Variants in ERBB2 observed in about 807,000 individuals in gnomAD.
ERBB2 encodes the protein receptor tyrosine-protein kinase erbB-2.
Under a neutral mutation model 149.0 loss-of-function variants are expected in ERBB2, and 61 were observed. That is an observed-to-expected ratio of 0.41 (90% confidence interval 0.33 to 0.51). The LOEUF (loss-of-function observed/expected upper bound fraction) is 0.51, where lower values mean the gene tolerates loss of function less well. Ranked by LOEUF, ERBB2 falls within the 20% of genes least tolerant of loss-of-function variation. The pLI, the probability that ERBB2 is intolerant of heterozygous loss-of-function variation, is 0.25. For synonymous variants in ERBB2, 633 were observed against 678.8 expected (o/e 0.93, Z 1.05); for missense variants, 1,205 against 1,655.1 (o/e 0.73, Z 4.72).
Position 39,700,196 on chromosome 17 carries a change from C to T in ERBB2, c.-43C>T, listed in dbSNP as rs1295964778. On this transcript the variant is annotated 5_prime_UTR_variant, in exon 1 of 27. Transcript: ENST00000269571. ...ACCCCGCGCCCCGCGCCCTCCCAGCCGGGTCCAGCCGGAGCCATGGGGCCG... is the reference window on the plus strand; with the variant it reads ...ACCCCGCGCCCCGCGCCCTCCCAGCTGGGTCCAGCCGGAGCCATGGGGCCG... 21 of 1,399,092 alleles carry T rather than the reference C, an allele frequency of 1.5e-5. No homozygotes were observed. The highest frequency in any genetic ancestry group is 1.7e-5 in the Non-Finnish European group (18 of 1,081,626). The allele number at this position is 1,399,092 out of a possible 1,614,324, so 86.7% of individuals were successfully genotyped here.
At chr17:39,691,957 A>ATATATATCTC (rs964668266), upstream of ERBB2, among the ~76,000 whole-genome samples, 7 of 145,354 alleles carry the variant, frequency 4.8e-5, no homozygotes, top group African/African-American at 1.8e-4. Context: ...ATATATATAT[A>ATATATATCTC]TCTCTTGTGT....
chr17:39,694,247 A>ATATATGTG (rs1567887991), upstream of ERBB2, among the ~76,000 whole-genome samples: 1 of 43,854 alleles, frequency 2.3e-5, no homozygotes, highest in Non-Finnish European at 4.8e-5. Context: ...ATATATATAT[A>ATATATGTG]TATATATATA....
Position 39,717,360 on chromosome 17 carries a change from C to T in ERBB2, c.1778C>T (p.Pro593Leu), listed in dbSNP as rs750092447. 6.2e-6 allele frequency: 10 copies of T among 1,612,692 alleles called. No homozygotes were observed. The highest frequency in any genetic ancestry group is 8.5e-6 in the Non-Finnish European group (10 of 1,179,988). ...GTGGCCTGTGCCCACTATAAGGACC[C>T]TCCCTTCTGCGTGGCCCGCTGCCCC... ...QCVACAHYKD[P>L]PFCVARCPSG... The change falls in exon 15 of 27, where the codon CCT becomes CTT. Residue 593 changes from proline (P) to leucine (L), a missense_variant. Physicochemically the swap from Pro to Leu is moderately conservative, Grantham distance 98. This residue lies in a region of ERBB2 where 569 missense variants were observed against 803.5 expected (regional missense o/e 0.71). Coordinates refer to ENST00000269571, the MANE Select transcript of ERBB2 (RefSeq NM_004448.4).
At chr17:39,703,631 T>G (rs1383558828) in intron 1 of ERBB2, among the ~76,000 whole-genome samples, 2 of 152,242 alleles carry the variant, frequency 1.3e-5, no homozygotes, top group African/African-American at 4.8e-5. Context: ...AAGTTGCAGG[T>G]ACTGCAGGGC....
chr17:39,727,848 TGGA>T lies in ERBB2; in HGVS notation c.3574_3576del (p.Glu1192del). 4 of 1,614,044 alleles carry T rather than the reference TGGA, an allele frequency of 2.5e-6. No individual in the cohort carries two copies. The highest frequency in any genetic ancestry group is 3.4e-6 in the Non-Finnish European group (4 of 1,179,974). On this transcript the variant is annotated inframe_deletion, in exon 27 of 27. Coordinates refer to ENST00000269571, the MANE Select transcript of ERBB2 (RefSeq NM_004448.4). The surrounding 1 kb of genome is among the most constrained non-coding windows in gnomAD (Gnocchi z 4.3). ...GACGTTTTTGCCTTTGGGGGTGCCGTGGAGAACCCCGAGTACTTGACACCCCAG... is the reference window on the plus strand; with the variant it reads ...GACGTTTTTGCCTTTGGGGGTGCCGTGAACCCCGAGTACTTGACACCCCAG...
At position 39,726,487 on chromosome 17, in the gene ERBB2, G is replaced by T. The variant is rs2059769372; in HGVS notation, c.2873-75G>T. 1 of 1,243,302 alleles carries T rather than the reference G, an allele frequency of 8.0e-7. No homozygotes were observed. The allele number at this position is 1,243,302 out of a possible 1,614,324, so 77.0% of individuals were successfully genotyped here. ...CCTTGGGACTGTCTAGACCAGACTG[G>T]AGGGGGAGTGGGAGGGGAGAGGCAG... On this transcript the variant is annotated intron_variant, in intron 23 of 26. Transcript: ENST00000269571. This position sits in a 1 kb window ranked among gnomAD's most constrained non-coding sequence, Gnocchi z 5.1.
At chr17:39,698,320 C>T (rs1474395213), upstream of ERBB2, among the ~76,000 whole-genome samples, 2 of 150,496 alleles carry the variant, frequency 1.3e-5, no homozygotes, top group African/African-American at 4.9e-5. Context: ...AGTGCAGAGG[C>T]GCAATCTCAG....
upstream of ERBB2, among the ~76,000 whole-genome samples, chr17:39,694,268 TGTGTG>T: frequency 4.5e-5 from 1 of 22,066 alleles, no homozygotes; most frequent in Non-Finnish European, 1.1e-4. Context: ...TATATATATA[TGTGTG>T]TATATATATA....
chr17:39,724,960 C>G lies in ERBB2; in HGVS notation c.2493+49C>G, dbSNP rs758590918. The G allele has an allele frequency of 1.9e-6, 3 of 1,606,366 alleles. No homozygotes were observed. The African/African-American group carries it at 4.0e-5, about 21-fold the overall frequency. On this transcript the variant is annotated intron_variant, in intron 20 of 26. Transcript: ENST00000269571. The stretch of plus-strand genomic sequence containing the variant: ...GTCTCTCCGGAGCAAACCCCTATGT[C>G]CACAAGGGGCTAGGATGGGGACTCT...
In ERBB2 at chr17:39,717,492, G is replaced by A. The variant is rs201388672; in HGVS notation, c.1898+12G>A. 3.6e-5 allele frequency: 57 copies of A among 1,597,998 alleles called. No homozygotes were observed. The African/African-American group carries it at 3.7e-4, about 11-fold the overall frequency. On this transcript the variant is annotated intron_variant, in intron 15 of 26. Coordinates refer to ENST00000269571, the MANE Select transcript of ERBB2 (RefSeq NM_004448.4). ...AACTGCACCCACTCGTGAGTCCAAC[G>A]GTCTTTTCTGCAGAAAGGAGGACTT...
intron 8 of ERBB2, 123 bp downstream of exon 8, chr17:39,712,170 T>C: frequency 6.5e-7 from 1 of 1,540,696 alleles, no homozygotes; most frequent in Non-Finnish European, 8.9e-7. Context: ...TGCCTTCTAC[T>C]CTCTACCCCT....
chr17:39,688,335 A>G (rs1289119364), intron 1 of ERBB2: 1 of 248,222 alleles, frequency 4.0e-6, no homozygotes, highest in Non-Finnish European at 7.7e-6. Context: ...ACGTACCTGT[A>G]ACTATCCACT....
Position 39,726,485 on chromosome 17 carries a change from T to G in ERBB2, c.2873-77T>G, listed in dbSNP as rs1214516497. ...TCCCTTGGGACTGTCTAGACCAGAC[T>G]GGAGGGGGAGTGGGAGGGGAGAGGC... On this transcript the variant is annotated intron_variant, in intron 23 of 26. Coordinates refer to ENST00000269571, the MANE Select transcript of ERBB2 (RefSeq NM_004448.4). This position sits in a 1 kb window ranked among gnomAD's most constrained non-coding sequence, Gnocchi z 5.1. The G allele has an allele frequency of 8.2e-7, 1 of 1,225,948 alleles. No homozygotes were observed. Among genetic ancestry groups the G allele is most frequent in the Admixed American group, 1.8e-5 (1 of 56,620 alleles). The allele number at this position is 1,225,948 out of a possible 1,614,324, so 75.9% of individuals were successfully genotyped here. A position where few individuals can be genotyped will look rare whatever the true frequency, so the allele number is the denominator to read the frequency against.
upstream of ERBB2, among the ~76,000 whole-genome samples, chr17:39,693,980 G>A (rs938674649): frequency 4.7e-5 from 7 of 148,700 alleles, no homozygotes; most frequent in Admixed American, 6.7e-5. Context: ...GAGGTCAGGA[G>A]TTTGAGACCA....
upstream of ERBB2, among the ~76,000 whole-genome samples, chr17:39,696,305 C>G (rs1452011655): frequency 6.6e-6 from 1 of 152,264 alleles, no homozygotes; most frequent in South Asian, 2.1e-4. Context: ...GTTCTGACCC[C>G]AGCTCCTCCC....
At chr17:39,691,934 C>CATATACATATATATATATATATAT (rs564472045), upstream of ERBB2, among the ~76,000 whole-genome samples, 6 of 120,884 alleles carry the variant, frequency 5.0e-5, no homozygotes, top group African/African-American at 2.1e-4. Context: ...TATACATATA[C>CATATACATATATATATATATATAT]ATATATATAT....
chr17:39,689,596 G>C (rs1190205670), intron 2 of ERBB2, among the ~76,000 whole-genome samples: 1 of 152,026 alleles, frequency 6.6e-6, no homozygotes, highest in Non-Finnish European at 1.5e-5. Flanking sequence ...AAAATAGGGA[G>C]TCTCCCCTTT....
At chr17:39,718,114 A>T (rs776466432) in intron 15 of ERBB2, among the ~76,000 whole-genome samples, 50 of 152,182 alleles carry the variant, frequency 3.3e-4, no homozygotes, top group Non-Finnish European at 5.7e-4. Flanking sequence ...GCCCAGTCAT[A>T]TATTTCTTTT....
At position 39,726,834 on chromosome 17, in the gene ERBB2, C is replaced by A. The variant is rs752037952; in HGVS notation, c.2990C>A (p.Ala997Asp). 1.2e-6 allele frequency: 2 copies of A among 1,612,282 alleles called. No homozygotes were observed. The highest frequency in any genetic ancestry group is 2.2e-5 in the South Asian group (2 of 90,862). ...VVIQNEDLGP[A>D]SPLDSTFYRS... The stretch of plus-strand genomic sequence containing the variant: ...CCACAGAATGAGGACTTGGGCCCAG[C>A]CAGTCCCTTGGACAGCACCTTCTAC... Residue 997 changes from alanine to aspartate, a missense_variant, in exon 25 of 27, where the codon GCC (alanine) becomes GAC (aspartate). Ala to Asp is a moderately radical substitution (Grantham distance 126). Around this residue, in one of 6 missense-constraint regions of ERBB2, gnomAD observed 312 missense variants for 343.8 expected, o/e 0.91. Transcript: ENST00000269571. This position sits in a 1 kb window ranked among gnomAD's most constrained non-coding sequence, Gnocchi z 5.1.
Sources: gnomAD v4.1 joint callset for allele counts (sites outside exome capture counted in the v4.1 genomes callset) on GRCh38, gnomAD v4.1.1 for gene constraint, gnomAD v4.1.1 regional missense constraint, Gnocchi (gnomAD v3.1) non-coding constraint, MANE v1.5 for transcripts, NCBI Gene and HGNC (gene_info 2026-07-23, HGNC 2026-07-21) for gene names.